CSRNP3: variants seen among roughly 807,000 people sequenced by gnomAD.
CSRNP3 encodes the protein cysteine and serine rich nuclear protein 3.
In CSRNP3, 12 loss-of-function variants were observed where a neutral mutation model predicts 48.0. That is an observed-to-expected ratio of 0.25 (90% CI 0.16 to 0.41). CSRNP3 has a LOEUF of 0.41. Ranked by LOEUF, CSRNP3 falls within the 10% of genes least tolerant of loss-of-function variation. The probability of loss-of-function intolerance (pLI) is 1.00; values close to 1 mark genes in which losing one functional copy is unlikely to be tolerated. For synonymous variants in CSRNP3, 263 were observed against 269.7 expected, an observed-to-expected ratio of 0.98 and a Z score of 0.24; for missense variants, 580 against 724.4, an observed-to-expected ratio of 0.80 and a Z score of 2.29.
chr2:165,668,369 G>C (rs1687269563), intron 5 of CSRNP3, among the ~76,000 whole-genome samples: 1 of 146,476 alleles, frequency 6.8e-6, no homozygotes, highest in Non-Finnish European at 1.5e-5. Context: ...CTTGCTTTCT[G>C]TGTCTGAATC....
chr2:165,626,419 C>T (rs978776108), intron 4 of CSRNP3, among the ~76,000 whole-genome samples: 4 of 152,134 alleles, frequency 2.6e-5, no homozygotes, highest in Non-Finnish European at 4.4e-5. Context: ...TAATAACTAG[C>T]TCAAAAGCTT....
intron 4 of CSRNP3, among the ~76,000 whole-genome samples, chr2:165,624,633 C>G (rs1686397681): frequency 6.6e-6 from 1 of 152,136 alleles, no homozygotes; most frequent in Non-Finnish European, 1.5e-5. Flanking sequence ...CCTGGGTTTT[C>G]TTCTCTTAAC....
chr2:165,629,568 T>C (rs34631705), intron 4 of CSRNP3, among the ~76,000 whole-genome samples: 9,787 of 152,288 alleles, frequency 0.064, 366 homozygotes, highest in Middle Eastern at 0.092. Context: ...GCATCACAGG[T>C]ATGCGACTTG....
intron 3 of CSRNP3, among the ~76,000 whole-genome samples, chr2:165,518,341 G>T (rs1337607430): frequency 2.0e-5 from 3 of 151,872 alleles, no homozygotes; most frequent in Non-Finnish European, 4.4e-5. Context: ...ACATATACAT[G>T]TAGTTTAGAA....
intron 3 of CSRNP3, among the ~76,000 whole-genome samples, chr2:165,533,392 G>C (rs549128700): frequency 6.6e-6 from 1 of 152,126 alleles, no homozygotes; most frequent in African/African-American, 2.4e-5. Flanking sequence ...ATTCTGCTTT[G>C]AAAGCCAATC....
chr2:165,642,394 G>T (rs2105335259), intron 4 of CSRNP3, among the ~76,000 whole-genome samples: 1 of 152,238 alleles, frequency 6.6e-6, no homozygotes, highest in South Asian at 2.1e-4. Context: ...ACTCTTCACA[G>T]GGAAAGATTG....
chr2:165,607,995 G>C (rs1309711749), intron 4 of CSRNP3, among the ~76,000 whole-genome samples: 1 of 150,752 alleles, frequency 6.6e-6, no homozygotes, highest in East Asian at 2.0e-4. Flanking sequence ...CCTTCTGCTT[G>C]AGTTATTTAT....
In CSRNP3 at chr2:165,600,456, A is replaced by G. The variant is rs544811825; in HGVS notation, c.148+5243A>G. 2.1e-3 allele frequency among the ~76,000 whole-genome samples: 324 copies of G among 152,312 alleles called. 1 individual carries two copies. Among genetic ancestry groups the G allele is most frequent in the African/African-American group, 7.5e-3 (310 of 41,556 alleles). On this transcript the variant is annotated intron_variant, in intron 4 of 6. Transcript: ENST00000651982. ...TCCTTTGGGTACATACCCAGTAATG[A>G]GATGGCTGGGTCAAATGGTATTTCT... is the stretch of plus-strand genomic sequence containing the variant.
intron 1 of CSRNP3, among the ~76,000 whole-genome samples, chr2:165,493,687 T>C (rs1044773967): frequency 6.6e-6 from 1 of 152,114 alleles, no homozygotes; most frequent in African/African-American, 2.4e-5. Flanking sequence ...CCCTTTGGCC[T>C]GAGCATGCTT....
At chr2:165,486,392 T>C (rs1272421144) in intron 1 of CSRNP3, among the ~76,000 whole-genome samples, 8 of 150,732 alleles carry the variant, frequency 5.3e-5, no homozygotes, top group Non-Finnish European at 1.0e-4. Flanking sequence ...TTGCCCAGGC[T>C]TGCTTAGGTA....
intron 3 of CSRNP3, among the ~76,000 whole-genome samples, chr2:165,580,615 C>T (rs994673104): frequency 6.6e-6 from 1 of 152,040 alleles, no homozygotes; most frequent in African/African-American, 2.4e-5. Context: ...TTTTAATGTA[C>T]TTTATGGGGA....
At chr2:165,624,591 C>T (rs1352145665) in intron 4 of CSRNP3, among the ~76,000 whole-genome samples, 1 of 152,100 alleles carries the variant, frequency 6.6e-6, no homozygotes, top group African/African-American at 2.4e-5. Context: ...CATAAATTTC[C>T]CCTGAGAGGT....
chr2:165,627,426 G>A (rs1686455749), intron 4 of CSRNP3, among the ~76,000 whole-genome samples: 1 of 152,124 alleles, frequency 6.6e-6, no homozygotes, highest in South Asian at 2.1e-4. Flanking sequence ...GCCACAGGCA[G>A]CTTTTCTGAG....
chr2:165,649,817 T>C (rs1292589165), intron 4 of CSRNP3, among the ~76,000 whole-genome samples: 8 of 152,206 alleles, frequency 5.3e-5, no homozygotes, highest in African/African-American at 1.9e-4. Flanking sequence ...TACATTAAGA[T>C]ACTTTTTTAC....
chr2:165,504,102 G>T (rs1684394068), intron 2 of CSRNP3, among the ~76,000 whole-genome samples: 1 of 151,858 alleles, frequency 6.6e-6, no homozygotes, highest in Non-Finnish European at 1.5e-5. Context: ...TTTCACATGA[G>T]TATCTAATTA....
chr2:165,507,549 A>G (rs1454959840), intron 2 of CSRNP3, among the ~76,000 whole-genome samples: 1 of 152,150 alleles, frequency 6.6e-6, no homozygotes, highest in Non-Finnish European at 1.5e-5. Context: ...ATACAAAGAG[A>G]CTTCTGTGAT....
intron 4 of CSRNP3, among the ~76,000 whole-genome samples, chr2:165,644,375 G>C: frequency 6.6e-6 from 1 of 152,136 alleles, no homozygotes; most frequent in East Asian, 1.9e-4. Flanking sequence ...TGAGGCTTCA[G>C]GGGAGAACTG....
chr2:165,481,690 C>T (rs1384062796), intron 1 of CSRNP3, among the ~76,000 whole-genome samples: 1 of 152,090 alleles, frequency 6.6e-6, no homozygotes, highest in African/African-American at 2.4e-5. Context: ...TTGTTTTTAG[C>T]TCTAATACAA....
chr2:165,497,715 G>A (rs1451342773), intron 2 of CSRNP3, among the ~76,000 whole-genome samples: 1 of 152,044 alleles, frequency 6.6e-6, no homozygotes, highest in Non-Finnish European at 1.5e-5. Flanking sequence ...CAGATGTGGA[G>A]ACTAAGGTCT....
Sources: gnomAD v4.1 joint callset for allele counts (sites outside exome capture counted in the v4.1 genomes callset) on GRCh38, gnomAD v4.1.1 for gene constraint, MANE v1.5 for transcripts, NCBI Gene and HGNC (gene_info 2026-07-23, HGNC 2026-07-21) for gene names.